Variants in FBXL7 observed in about 807,000 individuals in gnomAD.
FBXL7 encodes F-box/LRR-repeat protein 7.
Under a neutral mutation model 38.3 loss-of-function variants are expected in FBXL7, and 12 were observed. The observed-to-expected ratio is 0.31, with a 90% CI of 0.20 to 0.51. The LOEUF (loss-of-function observed/expected upper bound fraction) is 0.51, where lower values mean the gene tolerates loss of function less well. Among genes scored for constraint, FBXL7 ranks in the 20% least tolerant of loss-of-function variants. FBXL7 has a pLI of 0.98. For synonymous variants in FBXL7, 297 were observed against 300.9 expected, an observed-to-expected ratio of 0.99 and a Z score of 0.13; for missense variants, 567 against 676.4, an observed-to-expected ratio of 0.84 and a Z score of 1.79.
intron 2 of FBXL7, among the ~76,000 whole-genome samples, chr5:15,891,546 C>G (rs896119784): frequency 3.3e-5 from 5 of 152,124 alleles, no homozygotes; most frequent in Admixed American, 2.0e-4. Context: ...GTCCTTTGAG[C>G]TTACAGTCTA....
At chr5:15,631,017 A>G (rs954003953) in intron 2 of FBXL7, among the ~76,000 whole-genome samples, 1 of 152,112 alleles carries the variant, frequency 6.6e-6, no homozygotes, top group African/African-American at 2.4e-5. Flanking sequence ...TTATAATCTA[A>G]TCACAGCCAC....
At chr5:15,527,633 T>C (rs1580352775) in intron 1 of FBXL7, among the ~76,000 whole-genome samples, 1 of 152,332 alleles carries the variant, frequency 6.6e-6, no homozygotes, top group South Asian at 2.1e-4. Flanking sequence ...CTATAATCCC[T>C]GTAATCTCAC....
At chr5:15,799,933 T>TC (rs1028229051) in intron 2 of FBXL7, among the ~76,000 whole-genome samples, 48 of 151,846 alleles carry the variant, frequency 3.2e-4, no homozygotes, top group Non-Finnish European at 6.3e-4. Flanking sequence ...AAGTGTTTTT[T>TC]TTTATTTTGT....
chr5:15,748,516 C>G (rs1023560110), intron 2 of FBXL7, among the ~76,000 whole-genome samples: 2 of 152,112 alleles, frequency 1.3e-5, no homozygotes, highest in Non-Finnish European at 2.9e-5. Flanking sequence ...TGGGAGTTCC[C>G]CTACATAAGC....
intron 1 of FBXL7, among the ~76,000 whole-genome samples, chr5:15,531,645 T>G (rs1254179713): frequency 6.6e-6 from 1 of 152,218 alleles, no homozygotes; most frequent in Non-Finnish European, 1.5e-5. Context: ...TCTGAGTGGT[T>G]TCTTATAATG....
Position 15,939,046 on chromosome 5 carries a change from C to A in FBXL7, c.*1860C>A. The A allele has an allele frequency of 2.5e-6, 1 of 399,064 alleles. No individual in the cohort carries two copies. The allele number at this position is 399,064 out of a possible 1,614,324, so 24.7% of individuals were successfully genotyped here. A position where few individuals can be genotyped will look rare whatever the true frequency, so the allele number is the denominator to read the frequency against. ...TTGACAACTGCACTCCTACTGTAGGCTCCTGTGCATACTGTCGTCTTCTGT... is the reference window on the plus strand; with the variant it reads ...TTGACAACTGCACTCCTACTGTAGGATCCTGTGCATACTGTCGTCTTCTGT... On this transcript the variant is annotated 3_prime_UTR_variant, in exon 4 of 4. Transcript: ENST00000504595.
chr5:15,671,284 G>A (rs4702098), intron 2 of FBXL7, among the ~76,000 whole-genome samples: 58,753 of 151,936 alleles, frequency 0.39, 12,097 homozygotes, highest in African/African-American at 0.52. Flanking sequence ...TTTAATTTCA[G>A]CTAACTAACT....
At chr5:15,777,558 A>G (rs1736886095) in intron 2 of FBXL7, among the ~76,000 whole-genome samples, 1 of 151,874 alleles carries the variant, frequency 6.6e-6, no homozygotes, top group South Asian at 2.1e-4. Context: ...AGATTGTCAG[A>G]CTTATAAAAT....
At chr5:15,716,120 A>G (rs1428673495) in intron 2 of FBXL7, among the ~76,000 whole-genome samples, 1 of 152,228 alleles carries the variant, frequency 6.6e-6, no homozygotes, top group Non-Finnish European at 1.5e-5. Flanking sequence ...ACAGAGGATT[A>G]AACTGGACTA....
At chr5:15,594,821 C>G (rs1739578512) in intron 1 of FBXL7, among the ~76,000 whole-genome samples, 1 of 152,184 alleles carries the variant, frequency 6.6e-6, no homozygotes, top group Non-Finnish European at 1.5e-5. Flanking sequence ...TGCAGAAGTT[C>G]CTGATTGCAG....
intron 2 of FBXL7, among the ~76,000 whole-genome samples, chr5:15,659,735 G>T (rs1741997469): frequency 6.6e-6 from 1 of 152,144 alleles, no homozygotes. Context: ...AAATAGGGCT[G>T]TCTGTATCAG....
chr5:15,623,710 C>T (rs1411255851), intron 2 of FBXL7, among the ~76,000 whole-genome samples: 1 of 152,164 alleles, frequency 6.6e-6, no homozygotes, highest in Admixed American at 6.5e-5. Flanking sequence ...TAGGTGAATT[C>T]TGTTTCCCAA....
chr5:15,874,235 A>G (rs1294047560), intron 2 of FBXL7, among the ~76,000 whole-genome samples: 2 of 152,226 alleles, frequency 1.3e-5, no homozygotes, highest in Non-Finnish European at 2.9e-5. Flanking sequence ...CATGCTAAAA[A>G]CACACAATAA....
chr5:15,578,124 C>G (rs929235536), intron 1 of FBXL7, among the ~76,000 whole-genome samples: 1 of 152,134 alleles, frequency 6.6e-6, no homozygotes, highest in Non-Finnish European at 1.5e-5. Context: ...GTTAACTGGC[C>G]ATCACCCATA....
chr5:15,818,743 T>A lies in FBXL7; in HGVS notation c.128-109147T>A, dbSNP rs749564423. Among the ~76,000 whole-genome samples, 444 of 39,522 alleles carry A rather than the reference T, an allele frequency of 0.011. 1 individual carries two copies. In the Middle Eastern group the frequency reaches 0.13, roughly 12 times the overall value. The allele number at this position is 39,522 out of a possible 152,430, so 25.9% of individuals were successfully genotyped here. A position where few individuals can be genotyped will look rare whatever the true frequency, so the allele number is the denominator to read the frequency against. On this transcript the variant is annotated intron_variant, in intron 2 of 3. Coordinates refer to ENST00000504595, the MANE Select transcript of FBXL7 (RefSeq NM_012304.5). ...GTGTGTGTGTGTGTGTGTGTGTGTGTGAGAGAGAGAGAGATTTAAAATTCC... is the reference window on the plus strand; with the variant it reads ...GTGTGTGTGTGTGTGTGTGTGTGTGAGAGAGAGAGAGAGATTTAAAATTCC...
intron 2 of FBXL7, among the ~76,000 whole-genome samples, chr5:15,629,024 T>C (rs1025754396): frequency 3.9e-5 from 6 of 152,024 alleles, no homozygotes; most frequent in African/African-American, 1.4e-4. Context: ...ATGCATGTAA[T>C]CTGTGCACTT....
intron 1 of FBXL7, among the ~76,000 whole-genome samples, chr5:15,610,284 T>C (rs1395185466): frequency 6.6e-6 from 1 of 152,158 alleles, no homozygotes; most frequent in Non-Finnish European, 1.5e-5. Flanking sequence ...GAAACCAAAG[T>C]GCAATCTGGC....
rs1194945832 is a variant in FBXL7, at chr5:15,928,423, G to A, written c.661G>A (p.Gly221Ser). ...CGAACTGAGGCGACTGGAAGTCTCA[G>A]GCTGTTACAATATCTCCAACGAGGC... ...CPELRRLEVS[G>S]CYNISNEAVF... Residue 221 changes from glycine (G) to serine (S), a missense_variant, in exon 3 of 4, where the codon GGC (glycine) becomes AGC (serine). Physicochemically the swap from Gly to Ser is moderately conservative, Grantham distance 56 (BLOSUM62 0). Coordinates refer to ENST00000504595, the MANE Select transcript of FBXL7 (RefSeq NM_012304.5). This position sits in a 1 kb window ranked among gnomAD's most constrained non-coding sequence, Gnocchi z 4.0. 7.4e-6 allele frequency: 12 copies of A among 1,613,944 alleles called. No homozygotes were observed. In the Admixed American group the frequency reaches 1.5e-4, roughly 20 times the overall value.
intron 2 of FBXL7, among the ~76,000 whole-genome samples, chr5:15,805,888 T>A (rs1364130801): frequency 6.6e-6 from 1 of 152,224 alleles, no homozygotes. Flanking sequence ...CTTTGGGCAT[T>A]GAAGTAGCTG....
Sources: gnomAD v4.1 joint callset for allele counts (sites outside exome capture counted in the v4.1 genomes callset) on GRCh38, gnomAD v4.1.1 for gene constraint, Gnocchi (gnomAD v3.1) non-coding constraint, MANE v1.5 for transcripts, NCBI Gene and HGNC (gene_info 2026-07-23, HGNC 2026-07-21) for gene names.